CCDC25: variants seen among roughly 807,000 people sequenced by gnomAD.
CCDC25 encodes coiled-coil domain containing 25, also known as coiled-coil domain-containing protein 25.
CCDC25 carries 16 observed loss-of-function variants against 35.3 expected under a neutral mutation model. The observed-to-expected ratio is 0.45, with a 90% CI of 0.31 to 0.69. The LOEUF (loss-of-function observed/expected upper bound fraction) is 0.69, where lower values mean the gene tolerates loss of function less well. Ranked by LOEUF, CCDC25 falls within the 30% of genes least tolerant of loss-of-function variation. The pLI, the probability that CCDC25 is intolerant of heterozygous loss-of-function variation, is 0.06. For missense variants in CCDC25, 179 were observed against 250.7 expected, an observed-to-expected ratio of 0.71 and a Z score of 1.93; for synonymous variants, 79 against 80.3, an observed-to-expected ratio of 0.98 and a Z score of 0.09.
rs757202940 is a variant in CCDC25 at position 27,736,173 on chromosome 8, C to G, written c.*43G>C. ...GAAACCAAAAGGTCTGCAATTGTCT[C>G]TACATTCACATCTTTCAAAGGTCCT... On this transcript the variant is annotated 3_prime_UTR_variant, in exon 9 of 9. Coordinates refer to ENST00000356537, the MANE Select transcript of CCDC25 (RefSeq NM_018246.3). 6.3e-7 allele frequency: 1 copy of G among 1,591,214 alleles called. No individual in the cohort carries two copies. Among genetic ancestry groups the G allele is most frequent in the Non-Finnish European group, 8.6e-7 (1 of 1,168,978 alleles).
At chr8:27,741,652 T>C (rs887939610) in intron 7 of CCDC25, among the ~76,000 whole-genome samples, 1 of 152,152 alleles carries the variant, frequency 6.6e-6, no homozygotes, top group Non-Finnish European at 1.5e-5. Flanking sequence ...CACTCCAACA[T>C]GGGCGACAGA....
chr8:27,761,998 G>A (rs369267871), intron 3 of CCDC25, among the ~76,000 whole-genome samples: 1 of 152,306 alleles, frequency 6.6e-6, no homozygotes, highest in African/African-American at 2.4e-5. Flanking sequence ...AGAAGACAAA[G>A]GGGAACAAGT....
At position 27,740,421 on chromosome 8, in the gene CCDC25, C is replaced by G. The variant is rs368152128; in HGVS notation, c.597+51G>C. 6.6e-4 allele frequency: 1,028 copies of G among 1,550,408 alleles called. 4 individuals carry two copies. Among genetic ancestry groups the G allele is most frequent in the South Asian group, 1.3e-3 (114 of 85,884 alleles). On this transcript the variant is annotated intron_variant, in intron 8 of 8. Transcript: ENST00000356537. ...GGCCAGTAACACAATTATTAAAAAC[C>G]CTTAGTGAATTATTTCAAGGCAAAC...
At chr8:27,756,909 C>T in intron 3 of CCDC25, 139 bp from the exon 4 acceptor site, 1 of 643,354 alleles carries the variant, frequency 1.6e-6, no homozygotes, top group Non-Finnish European at 2.8e-6. Flanking sequence ...GAGTATAAAG[C>T]ACAGTCACCA....
At position 27,771,640 on chromosome 8, in the gene CCDC25, C is replaced by T. The variant is rs558175206; in HGVS notation, c.28+873G>A. On this transcript the variant is annotated intron_variant, in intron 1 of 8. Coordinates refer to ENST00000356537, the MANE Select transcript of CCDC25 (RefSeq NM_018246.3). Reference sequence around the variant, plus strand: ...ACTGTAAAGAGATCCTGTCCACGCCCTCAAGGGACTTACACTCTAGCTCAA... The same window carrying T: ...ACTGTAAAGAGATCCTGTCCACGCCTTCAAGGGACTTACACTCTAGCTCAA... Among the ~76,000 whole-genome samples, 6 of 152,242 alleles carry T rather than the reference C, an allele frequency of 3.9e-5. No individual in the cohort carries two copies. In the South Asian group the frequency reaches 1.2e-3, roughly 32 times the overall value.
In CCDC25 at chr8:27,735,347, TAG is replaced by T. The variant is rs1803183307; in HGVS notation, c.*867_*868del. Reference sequence around the variant, plus strand: ...CTGCTGTGGGTGTGAGTAAAATGCTTAGTTCCTTCTAAAATCATAATTGCAAT... The same window carrying T: ...CTGCTGTGGGTGTGAGTAAAATGCTTTTCCTTCTAAAATCATAATTGCAAT... On this transcript the variant is annotated 3_prime_UTR_variant, in exon 9 of 9. Coordinates refer to ENST00000356537, the MANE Select transcript of CCDC25 (RefSeq NM_018246.3). 1 of 152,388 alleles carries T rather than the reference TAG, an allele frequency of 6.6e-6. No individual in the cohort carries two copies. Among genetic ancestry groups the T allele is most frequent in the Non-Finnish European group, 1.5e-5 (1 of 68,042 alleles). The allele number at this position is 152,388 out of a possible 1,614,324, so 9.4% of individuals were successfully genotyped here. A position where few individuals can be genotyped will look rare whatever the true frequency, so the allele number is the denominator to read the frequency against.
Position 27,734,262 on chromosome 8 carries a change from G to A in CCDC25, c.*1954C>T, listed in dbSNP as rs1803137266. ...AAAGCTATAGAATATAGCAGTTAGT[G>A]AAGTAAATTAAACATGCCCCTCGCC... On this transcript the variant is annotated 3_prime_UTR_variant, in exon 9 of 9. Coordinates refer to ENST00000356537, the MANE Select transcript of CCDC25 (RefSeq NM_018246.3). 1 of 152,204 alleles carries A rather than the reference G, an allele frequency of 6.6e-6. No individual in the cohort carries two copies. 9.4% of individuals were successfully genotyped at this position (152,204 alleles called of 1,614,324 possible). A position where few individuals can be genotyped will look rare whatever the true frequency, so the allele number is the denominator to read the frequency against.
intron 4 of CCDC25, among the ~76,000 whole-genome samples, chr8:27,753,381 C>G (rs1803885274): frequency 6.6e-6 from 1 of 152,090 alleles, no homozygotes; most frequent in Non-Finnish European, 1.5e-5. Flanking sequence ...GGAAATTAAT[C>G]AGGTAAAAGT....
intron 5 of CCDC25, among the ~76,000 whole-genome samples, chr8:27,751,720 C>T (rs1050366930): frequency 6.6e-6 from 1 of 152,206 alleles, no homozygotes; most frequent in Admixed American, 6.5e-5. Context: ...ATTAGCAGAG[C>T]ACCACCTCCT....
intron 6 of CCDC25, 43 bp downstream of exon 6, chr8:27,748,452 C>A: frequency 7.0e-7 from 1 of 1,425,038 alleles, no homozygotes; most frequent in Non-Finnish European, 9.9e-7. Context: ...ATACTCCATT[C>A]AGTATCAGGG....
chr8:27,742,011 A>G (rs1803456838), intron 7 of CCDC25, among the ~76,000 whole-genome samples: 1 of 152,240 alleles, frequency 6.6e-6, no homozygotes, highest in African/African-American at 2.4e-5. Context: ...TGGAGTTAAC[A>G]GCTGTAATGG....
chr8:27,772,283 T>A (rs568773569), intron 1 of CCDC25, among the ~76,000 whole-genome samples: 37 of 152,228 alleles, frequency 2.4e-4, no homozygotes, highest in Admixed American at 6.5e-4. Flanking sequence ...GATACAAACA[T>A]AGCAGTGGCA....
chr8:27,759,050 T>A (rs1015804684), intron 3 of CCDC25, among the ~76,000 whole-genome samples: 1 of 152,174 alleles, frequency 6.6e-6, no homozygotes, highest in Non-Finnish European at 1.5e-5. Context: ...GCAAACGACT[T>A]CTCCAATCTT....
intron 6 of CCDC25, 102 bp from the exon 7 acceptor site, chr8:27,748,381 T>A: frequency 7.5e-7 from 1 of 1,331,756 alleles, no homozygotes; most frequent in Non-Finnish European, 1.1e-6. Flanking sequence ...TTTAATTCCC[T>A]TTAGAAAACA....
chr8:27,748,319 T>G (rs758988198), intron 6 of CCDC25, 40 bp from the exon 7 acceptor site: 33 of 1,572,592 alleles, frequency 2.1e-5, no homozygotes, highest in Admixed American at 1.4e-4. Context: ...CATCTTTTTG[T>G]TTTTTTTCTC....
chr8:27,764,119 T>C (rs1804319310), intron 2 of CCDC25, among the ~76,000 whole-genome samples: 1 of 152,212 alleles, frequency 6.6e-6, no homozygotes, highest in African/African-American at 2.4e-5. Context: ...TCTGAAGTCA[T>C]AAACACTATT....
chr8:27,769,216 G>C (rs572292640), intron 1 of CCDC25, among the ~76,000 whole-genome samples: 17 of 152,196 alleles, frequency 1.1e-4, no homozygotes, highest in African/African-American at 3.6e-4. Context: ...AGTTTTAAAA[G>C]ATCAGCTGCA....
chr8:27,769,442 A>C (rs1213850835), intron 1 of CCDC25, among the ~76,000 whole-genome samples: 8 of 152,258 alleles, frequency 5.3e-5, no homozygotes, highest in Non-Finnish European at 1.2e-4. Flanking sequence ...CAGTACCTAT[A>C]CACCCTGCCT....
chr8:27,762,631 A>T (rs1804266623), intron 2 of CCDC25, among the ~76,000 whole-genome samples, 173 bp from the exon 3 acceptor site: 1 of 152,168 alleles, frequency 6.6e-6, no homozygotes, highest in Non-Finnish European at 1.5e-5. Context: ...AATAATTTTC[A>T]TAATTGAACA....
Sources: gnomAD v4.1 joint callset for allele counts (sites outside exome capture counted in the v4.1 genomes callset) on GRCh38, gnomAD v4.1.1 for gene constraint, MANE v1.5 for transcripts, NCBI Gene and HGNC (gene_info 2026-07-23, HGNC 2026-07-21) for gene names.